The following CDH13 variants were observed in gnomAD, a reference collection of about 807,000 sequenced individuals.
The protein encoded by CDH13 is cadherin-13.
Under a neutral mutation model 63.8 loss-of-function variants are expected in CDH13, and 24 were observed. The observed-to-expected ratio is 0.38, with a 90% CI of 0.27 to 0.53. The LOEUF (loss-of-function observed/expected upper bound fraction) is 0.53. Among genes scored for constraint, CDH13 ranks in the 20% least tolerant of loss-of-function variants. CDH13 has a pLI of 0.85. For missense variants in CDH13, 1,049 were observed against 903.1 expected (o/e 1.16, Z -2.07); for synonymous variants, 503 against 355.3 (o/e 1.42, Z -4.67).
At chr16:82,819,691 G>A (rs747011126) in intron 1 of CDH13, among the ~76,000 whole-genome samples, 6 of 152,212 alleles carry the variant, frequency 3.9e-5, no homozygotes, top group Non-Finnish European at 7.3e-5. Context: ...GGGAAGGGAG[G>A]CAAGTCCGTC....
intron 7 of CDH13, among the ~76,000 whole-genome samples, chr16:83,500,855 C>G (rs2074268886): frequency 6.6e-6 from 1 of 152,004 alleles, no homozygotes; most frequent in Non-Finnish European, 1.5e-5. Context: ...ATTGGGATTG[C>G]AGGCATAAGC....
intron 1 of CDH13, among the ~76,000 whole-genome samples, chr16:82,680,313 C>A (rs779979724): frequency 6.6e-6 from 1 of 152,220 alleles, no homozygotes; most frequent in African/African-American, 2.4e-5. Context: ...GTGTGTTAGA[C>A]ATCAAGAGTC....
In CDH13 at chr16:83,111,968, C is replaced by T. The variant is rs2035077765; in HGVS notation, c.367-13417C>T. ...ATCAAGGAAGTGAAAAACTCTTATT[C>T]CTTAAATATCAATATGTGCACAAAT... On this transcript the variant is annotated intron_variant, in intron 3 of 13. Transcript: ENST00000567109. Among the ~76,000 whole-genome samples, 4 of 152,096 alleles carry T rather than the reference C, an allele frequency of 2.6e-5. No homozygotes were observed. The South Asian group carries it at 6.2e-4, about 24-fold the overall frequency.
intron 8 of CDH13, 29 bp from the exon 9 acceptor site, chr16:83,670,761 G>A: frequency 6.2e-7 from 1 of 1,608,692 alleles, no homozygotes; most frequent in Non-Finnish European, 8.5e-7. Flanking sequence ...TTTCAAAATA[G>A]TGACCATTAC....
At chr16:83,463,781 G>A (rs1008342649) in intron 6 of CDH13, among the ~76,000 whole-genome samples, 2 of 152,168 alleles carry the variant, frequency 1.3e-5, no homozygotes. Flanking sequence ...TTCCGGCCTA[G>A]GTAACTGAGT....
At chr16:82,757,198 C>T (rs552483653) in intron 1 of CDH13, among the ~76,000 whole-genome samples, 2 of 152,186 alleles carry the variant, frequency 1.3e-5, no homozygotes, top group Admixed American at 6.5e-5. Flanking sequence ...TCCTCTAAGG[C>T]AGGGACCACT....
At chr16:83,046,181 C>A (rs1018037531) in intron 3 of CDH13, among the ~76,000 whole-genome samples, 1 of 152,128 alleles carries the variant, frequency 6.6e-6, no homozygotes, top group Non-Finnish European at 1.5e-5. Flanking sequence ...TGGTCCATAC[C>A]CCTTAGAAGT....
chr16:82,671,104 C>G (rs1228351654), intron 1 of CDH13, among the ~76,000 whole-genome samples: 1 of 151,498 alleles, frequency 6.6e-6, no homozygotes, highest in Admixed American at 6.6e-5. Flanking sequence ...GTCATCAAGC[C>G]AGAGACTGAC....
chr16:82,786,435 GTTTTTTTTT>G (rs36019455), intron 1 of CDH13, among the ~76,000 whole-genome samples: 1 of 118,014 alleles, frequency 8.5e-6, no homozygotes, highest in Admixed American at 8.5e-5. Flanking sequence ...TCAGAAAACA[GTTTTTTTTT>G]TTTTTTTTTT....
chr16:83,793,258 T>A (rs1259699853), intron 13 of CDH13, among the ~76,000 whole-genome samples: 1 of 152,114 alleles, frequency 6.6e-6, no homozygotes, highest in Non-Finnish European at 1.5e-5. Context: ...AGACAAAACG[T>A]GCTTGCGAGG....
chr16:83,583,806 A>G lies in CDH13; in HGVS notation c.961-18648A>G, dbSNP rs555712087. 2.0e-5 allele frequency among the ~76,000 whole-genome samples: 3 copies of G among 152,058 alleles called. No homozygotes were observed. In the South Asian group the frequency reaches 6.2e-4, roughly 32 times the overall value. On this transcript the variant is annotated intron_variant, in intron 7 of 13. Transcript: ENST00000567109. ...GTGGCATGAGCCTCTAGACCTAGCT[A>G]CTCCAGAAGCTGAGGCAGAAGAATC...
In CDH13 at chr16:83,602,443, G is replaced by C; in HGVS notation, c.961-11G>C. On this transcript the variant is annotated splice_polypyrimidine_tract_variant and intron_variant, in intron 7 of 13. Coordinates refer to ENST00000567109, the MANE Select transcript of CDH13 (RefSeq NM_001257.5). ...AATGTCATATTATTTCTTTGTGCTT[G>C]TGCTTTGTAGACTCTGGAAAATCCC... The C allele has an allele frequency of 2.5e-6, 4 of 1,613,896 alleles. No homozygotes were observed. In the South Asian group the frequency reaches 4.4e-5, roughly 18 times the overall value.
At chr16:82,865,272 T>G (rs970634088) in intron 2 of CDH13, among the ~76,000 whole-genome samples, 1 of 152,220 alleles carries the variant, frequency 6.6e-6, no homozygotes, top group Admixed American at 6.5e-5. Context: ...CACTAGGCTG[T>G]GCCCCAGTGG....
rs79855455 is a variant in CDH13 at position 82,641,956 on chromosome 16, G to A, written c.45+14819G>A. ...GATAGCGACAGGCAGAGGTCATGGC[G>A]CTTGCCTTCGCTGTTGGCTGTAGGG... On this transcript the variant is annotated intron_variant, in intron 1 of 13. Transcript: ENST00000567109. Among the ~76,000 whole-genome samples, 412 of 152,234 alleles carry A rather than the reference G, an allele frequency of 2.7e-3. 4 individuals carry two copies. Among genetic ancestry groups the A allele is most frequent in the African/African-American group, 9.5e-3 (394 of 41,534 alleles).
At chr16:82,871,085 T>C (rs1006515174) in intron 2 of CDH13, among the ~76,000 whole-genome samples, 54 of 152,340 alleles carry the variant, frequency 3.5e-4, no homozygotes, top group African/African-American at 1.3e-3. Context: ...TGCTGTCTTG[T>C]TTCTGTCATA....
At chr16:82,900,314 C>G (rs765099623) in intron 2 of CDH13, among the ~76,000 whole-genome samples, 6 of 152,172 alleles carry the variant, frequency 3.9e-5, no homozygotes, top group Non-Finnish European at 2.9e-5. Context: ...CACAAACAGG[C>G]CAAGCCAAAT....
chr16:83,100,950 G>C (rs554783181), intron 3 of CDH13, among the ~76,000 whole-genome samples: 2 of 152,122 alleles, frequency 1.3e-5, no homozygotes, highest in Non-Finnish European at 2.9e-5. Flanking sequence ...TAGATACTCA[G>C]TGAATCATGG....
intron 2 of CDH13, among the ~76,000 whole-genome samples, chr16:82,985,704 C>G (rs944900396): frequency 2.0e-5 from 3 of 152,126 alleles, no homozygotes; most frequent in Non-Finnish European, 2.9e-5. Flanking sequence ...TGTCCCCATC[C>G]AAATTTCATG....
intron 7 of CDH13, among the ~76,000 whole-genome samples, chr16:83,501,588 T>C (rs1050704388): frequency 6.6e-6 from 1 of 152,146 alleles, no homozygotes; most frequent in African/African-American, 2.4e-5. Context: ...TTACATTAGG[T>C]CCATAACACT....
Sources: gnomAD v4.1 joint callset for allele counts (sites outside exome capture counted in the v4.1 genomes callset) on GRCh38, gnomAD v4.1.1 for gene constraint, MANE v1.5 for transcripts, NCBI Gene and HGNC (gene_info 2026-07-23, HGNC 2026-07-21) for gene names.